Variants in SNX8 observed in about 807,000 individuals in gnomAD.
The protein encoded by SNX8 is sorting nexin-8.
Under a neutral mutation model 51.6 loss-of-function variants are expected in SNX8, and 25 were observed. The ratio of observed to expected loss-of-function variants is 0.48; its 90% CI spans 0.35 to 0.68. SNX8 has a LOEUF of 0.68. Ranked by LOEUF, SNX8 falls within the 30% of genes least tolerant of loss-of-function variation. SNX8 has a pLI of 0.00. For synonymous variants in SNX8, 324 were observed against 277.0 expected, an observed-to-expected ratio of 1.17 and a Z score of -1.68; for missense variants, 695 against 624.0, an observed-to-expected ratio of 1.11 and a Z score of -1.21.
chr7:2,296,600 C>T (rs1796277374), intron 1 of SNX8, among the ~76,000 whole-genome samples: 1 of 151,844 alleles, frequency 6.6e-6, no homozygotes, highest in Admixed American at 6.6e-5. Context: ...ATAAATGGGG[C>T]TATTTAATAC....
chr7:2,347,492 A>AG (rs1021743415), intron 1 of SNX8, among the ~76,000 whole-genome samples: 1 of 97,404 alleles, frequency 1.0e-5, no homozygotes, highest in African/African-American at 3.1e-5. Context: ...AAAAAAAAAA[A>AG]AAAAAAAGAA....
intron 1 of SNX8, among the ~76,000 whole-genome samples, chr7:2,285,900 C>A (rs1467052334): frequency 6.6e-6 from 1 of 152,086 alleles, no homozygotes; most frequent in Non-Finnish European, 1.5e-5. Context: ...CCAGGCTGGT[C>A]TCGAACTCCT....
chr7:2,281,445 ACAT>A (rs2115144384), intron 1 of SNX8, among the ~76,000 whole-genome samples: 1 of 151,956 alleles, frequency 6.6e-6, no homozygotes, highest in Admixed American at 6.6e-5. Context: ...AAAAAAAAAA[ACAT>A]CATTTCAAAT....
Position 2,255,150 on chromosome 7 carries a change from T to C in SNX8, c.1304A>G (p.Asp435Gly). Residue 435 changes from aspartate to glycine, a missense_variant, in exon 11 of 11, where the codon GAC (aspartate) becomes GGC (glycine). By Grantham distance (94) the Asp-to-Gly change is moderately conservative. Coordinates refer to ENST00000222990, the MANE Select transcript of SNX8 (RefSeq NM_013321.4). ...GAGGCAGCTGAGCTTGGGCCTCAGG[T>C]CGTTCCACACCTTGCTCATCTGAAA... The part of the protein sequence containing the change: ...GHKEMSKVWN[D>G]LRPKLSCLFA... 2 of 1,564,970 alleles carry C rather than the reference T, an allele frequency of 1.3e-6. No individual in the cohort carries two copies. Among genetic ancestry groups the C allele is most frequent in the Non-Finnish European group, 1.7e-6 (2 of 1,154,332 alleles).
chr7:2,315,830 T>A (rs887782813), upstream of SNX8, among the ~76,000 whole-genome samples: 13 of 150,908 alleles, frequency 8.6e-5, no homozygotes, highest in African/African-American at 2.2e-4. Context: ...ACTTACTGCA[T>A]CCTGCATTCA....
At chr7:2,285,195 G>A (rs1172061185) in intron 1 of SNX8, among the ~76,000 whole-genome samples, 1 of 137,000 alleles carries the variant, frequency 7.3e-6, no homozygotes, top group African/African-American at 2.7e-5. Flanking sequence ...CTGGGTGACA[G>A]AGCAAGACTC....
chr7:2,315,668 A>G (rs1463369655), upstream of SNX8, among the ~76,000 whole-genome samples: 1 of 150,208 alleles, frequency 6.7e-6, no homozygotes, highest in Non-Finnish European at 1.5e-5. Flanking sequence ...GCATTCATTC[A>G]TTCACCAACC....
chr7:2,300,559 C>T (rs1562446381), intron 1 of SNX8, among the ~76,000 whole-genome samples: 1 of 152,056 alleles, frequency 6.6e-6, no homozygotes, highest in African/African-American at 2.4e-5. Context: ...ACTACAGACA[C>T]GTACCACCAT....
At chr7:2,284,606 A>G (rs2115151717) in intron 1 of SNX8, among the ~76,000 whole-genome samples, 1 of 151,172 alleles carries the variant, frequency 6.6e-6, no homozygotes, top group East Asian at 2.0e-4. Context: ...GGTTTTCACC[A>G]CGTTGGCCAG....
intron 1 of SNX8, among the ~76,000 whole-genome samples, chr7:2,290,510 TAAAGAAAAGAA>T (rs960950401): frequency 1.3e-5 from 2 of 151,618 alleles, no homozygotes; most frequent in African/African-American, 4.8e-5. Flanking sequence ...TCTCAAAAAA[TAAAGAAAAGAA>T]AAGAAAAATA....
chr7:2,320,622 G>C (rs1487960897), intron 1 of SNX8, among the ~76,000 whole-genome samples: 1 of 152,092 alleles, frequency 6.6e-6, no homozygotes, highest in Non-Finnish European at 1.5e-5. Context: ...TACACGAAAG[G>C]CTGAGGTAGG....
At chr7:2,329,244 C>T (rs1778685957) in intron 1 of SNX8, among the ~76,000 whole-genome samples, 2 of 151,340 alleles carry the variant, frequency 1.3e-5, no homozygotes, top group African/African-American at 4.9e-5. Flanking sequence ...GCACTCCAGC[C>T]TGGACCAGAG....
Position 2,314,417 on chromosome 7 carries a change from G to A in SNX8, c.5C>T (p.Thr2Ile), listed in dbSNP as rs775827685. The part of the protein sequence containing the change: M[T>I]GRAMDPLPAA... Reference sequence around the variant, plus strand: ...GGGCAGCGGGTCCATCGCGCGGCCAGTCATGTGAGCCCGCGCTCCCACGTG... The same window carrying A: ...GGGCAGCGGGTCCATCGCGCGGCCAATCATGTGAGCCCGCGCTCCCACGTG... The change falls in exon 1 of 11, where the codon ACT becomes ATT. Residue 2 changes from threonine to isoleucine, a missense_variant. Coordinates refer to ENST00000222990, the MANE Select transcript of SNX8 (RefSeq NM_013321.4). The A allele has an allele frequency of 1.4e-4, 166 of 1,216,130 alleles. 1 individual carries two copies. Among genetic ancestry groups the A allele is most frequent in the Non-Finnish European group, 1.7e-4 (164 of 977,700 alleles). 75.3% of individuals were successfully genotyped at this position (1,216,130 alleles called of 1,614,324 possible). A position where few individuals can be genotyped will look rare whatever the true frequency, so the allele number is the denominator to read the frequency against.
At chr7:2,338,277 A>G (rs1472753508) in intron 1 of SNX8, among the ~76,000 whole-genome samples, 1 of 151,974 alleles carries the variant, frequency 6.6e-6, no homozygotes, top group Non-Finnish European at 1.5e-5. Flanking sequence ...CCTGGCTAAC[A>G]TGGTGAAACT....
In SNX8 at chr7:2,261,476, C is replaced by A. The variant is rs181873418; in HGVS notation, c.915+1754G>T. Among the ~76,000 whole-genome samples the A allele has an allele frequency of 3.4e-3, 515 of 152,294 alleles. 12 individuals are homozygous for A. The highest frequency in any genetic ancestry group is 0.025 in the Admixed American group (376 of 15,292). On this transcript the variant is annotated intron_variant, in intron 7 of 10. Transcript: ENST00000222990. ...GAAATAGCTGTTTTAATAATCTAGTCCAACCCCCTTGTATTTAATTGATGG... is the reference window on the plus strand; with the variant it reads ...GAAATAGCTGTTTTAATAATCTAGTACAACCCCCTTGTATTTAATTGATGG...
chr7:2,303,105 T>TG (rs1207465676), intron 1 of SNX8, among the ~76,000 whole-genome samples: 1 of 118,908 alleles, frequency 8.4e-6, no homozygotes, highest in African/African-American at 3.3e-5. Flanking sequence ...GGGAGGGAGG[T>TG]GGGGGGGTCA....
intron 1 of SNX8, among the ~76,000 whole-genome samples, chr7:2,295,487 C>T (rs1796252635): frequency 6.7e-6 from 1 of 149,164 alleles, no homozygotes; most frequent in South Asian, 2.1e-4. Flanking sequence ...GGTGGATCAC[C>T]TGAGAACAGG....
intron 10 of SNX8, among the ~76,000 whole-genome samples, chr7:2,255,810 C>T (rs1795163240): frequency 6.6e-6 from 1 of 152,206 alleles, no homozygotes; most frequent in Admixed American, 6.5e-5. Flanking sequence ...ACTTTTGGAA[C>T]CAGGGCAAGG....
At chr7:2,352,821 G>A (rs1169162011) in intron 1 of SNX8, among the ~76,000 whole-genome samples, 1 of 151,622 alleles carries the variant, frequency 6.6e-6, no homozygotes, top group South Asian at 2.1e-4. Flanking sequence ...AGGCGACAGA[G>A]CAACACTCCG....
Sources: allele counts gnomAD v4.1 joint callset (sites outside exome capture counted in the v4.1 genomes callset), GRCh38; gene constraint gnomAD v4.1.1; transcripts MANE v1.5; gene names NCBI Gene and HGNC (gene_info 2026-07-23, HGNC 2026-07-21).